LHFPL3: variants seen among roughly 807,000 people sequenced by gnomAD.
LHFPL3 encodes LHFPL tetraspan subfamily member 3 protein.
In LHFPL3, 5 loss-of-function variants were observed where a neutral mutation model predicts 19.3. The observed-to-expected ratio is 0.26, with a 90% CI of 0.14 to 0.54. The LOEUF is 0.54. Among genes scored for constraint, LHFPL3 ranks in the 20% least tolerant of loss-of-function variants. The pLI, the probability that LHFPL3 is intolerant of heterozygous loss-of-function variation, is 0.94. For missense variants in LHFPL3, 249 were observed against 307.4 expected (o/e 0.81, Z 1.42); for synonymous variants, 133 against 126.2 (o/e 1.05, Z -0.36).
intron 1 of LHFPL3, among the ~76,000 whole-genome samples, chr7:104,471,435 A>AT (rs1480615401): frequency 1.3e-5 from 2 of 152,320 alleles, no homozygotes; most frequent in East Asian, 3.9e-4. Flanking sequence ...TCTCATATAC[A>AT]TTATTTTAAG....
chr7:104,668,617 G>A, intron 1 of LHFPL3: 4 of 1,612,546 alleles, frequency 2.5e-6, no homozygotes, highest in Non-Finnish European at 3.4e-6. Context: ...TACAGAGAAG[G>A]CAGGGACTGC....
intron 1 of LHFPL3, among the ~76,000 whole-genome samples, chr7:104,605,791 A>G (rs1791085131): frequency 2.0e-5 from 3 of 152,168 alleles, no homozygotes; most frequent in Non-Finnish European, 4.4e-5. Flanking sequence ...AACTGCAGGA[A>G]AAAAACATCA....
At chr7:104,374,260 T>A (rs960928541) in intron 1 of LHFPL3, among the ~76,000 whole-genome samples, 7 of 151,662 alleles carry the variant, frequency 4.6e-5, no homozygotes, top group African/African-American at 1.7e-4. Flanking sequence ...ATATTTTTTT[T>A]AAGACAGAAT....
chr7:104,381,064 G>A (rs1045875318), intron 1 of LHFPL3, among the ~76,000 whole-genome samples: 9 of 152,024 alleles, frequency 5.9e-5, no homozygotes, highest in Non-Finnish European at 8.8e-5. Flanking sequence ...AATCTATGTC[G>A]CAAAAGACAG....
chr7:104,641,157 T>A (rs767245269), intron 1 of LHFPL3, among the ~76,000 whole-genome samples: 5 of 152,212 alleles, frequency 3.3e-5, no homozygotes, highest in Admixed American at 1.3e-4. Flanking sequence ...ATATCTTCTT[T>A]CCAAGTGGGA....
chr7:104,830,203 T>C (rs1044496085), intron 2 of LHFPL3, among the ~76,000 whole-genome samples: 3 of 151,972 alleles, frequency 2.0e-5, no homozygotes, highest in Non-Finnish European at 4.4e-5. Flanking sequence ...GTAAATTTGT[T>C]TGAGTTCATT....
intron 1 of LHFPL3, among the ~76,000 whole-genome samples, chr7:104,702,467 G>C (rs1033537687): frequency 6.6e-6 from 1 of 152,064 alleles, no homozygotes; most frequent in Non-Finnish European, 1.5e-5. Context: ...AGCTCATGGT[G>C]AACCCTGCAT....
At chr7:104,734,534 G>A (rs1009391610) in intron 1 of LHFPL3, among the ~76,000 whole-genome samples, 4 of 152,128 alleles carry the variant, frequency 2.6e-5, no homozygotes, top group Middle Eastern at 3.4e-3. Flanking sequence ...TTGTGCATTC[G>A]TCACATAGTT....
intron 1 of LHFPL3, among the ~76,000 whole-genome samples, chr7:104,427,212 C>T (rs1791864924): frequency 6.6e-6 from 1 of 152,116 alleles, no homozygotes; most frequent in African/African-American, 2.4e-5. Flanking sequence ...CATGTGATGT[C>T]CTTGAATAGC....
chr7:104,669,952 A>G (rs1792439856), intron 1 of LHFPL3, among the ~76,000 whole-genome samples: 1 of 152,160 alleles, frequency 6.6e-6, no homozygotes, highest in African/African-American at 2.4e-5. Context: ...TAGAAGGAAA[A>G]GTGTGAGATT....
intron 1 of LHFPL3, among the ~76,000 whole-genome samples, chr7:104,592,332 T>C (rs1790741747): frequency 6.6e-6 from 1 of 152,082 alleles, no homozygotes; most frequent in South Asian, 2.1e-4. Context: ...TTCTTAATTT[T>C]CCTTCTAACA....
intron 2 of LHFPL3, among the ~76,000 whole-genome samples, chr7:104,738,405 C>G (rs1442597630): frequency 6.6e-6 from 1 of 152,132 alleles, no homozygotes; most frequent in African/African-American, 2.4e-5. Flanking sequence ...AATATTAGAA[C>G]AAGCTATCTT....
chr7:104,616,554 A>G (rs890417316), intron 1 of LHFPL3, among the ~76,000 whole-genome samples: 4 of 152,272 alleles, frequency 2.6e-5, no homozygotes, highest in Middle Eastern at 3.4e-3. Context: ...AACCTAGGCA[A>G]TACCATTCAG....
intron 2 of LHFPL3, among the ~76,000 whole-genome samples, chr7:104,851,607 C>T (rs1448301636): frequency 2.0e-5 from 3 of 152,100 alleles, no homozygotes; most frequent in African/African-American, 4.8e-5. Context: ...ATATAAAGTC[C>T]CAACTCTCCT....
intron 1 of LHFPL3, among the ~76,000 whole-genome samples, chr7:104,731,327 T>G (rs971415618): frequency 1.8e-4 from 28 of 152,116 alleles, no homozygotes; most frequent in African/African-American, 6.5e-4. Flanking sequence ...TATGGCATTT[T>G]CATGATATTG....
chr7:104,655,656 G>C (rs528521511), intron 1 of LHFPL3, among the ~76,000 whole-genome samples: 4 of 152,330 alleles, frequency 2.6e-5, no homozygotes, highest in South Asian at 2.1e-4. Context: ...AAATAGAGCT[G>C]ATACAGGCTA....
intron 1 of LHFPL3, among the ~76,000 whole-genome samples, chr7:104,530,823 C>T (rs892724011): frequency 3.3e-5 from 5 of 152,142 alleles, no homozygotes; most frequent in African/African-American, 4.8e-5. Flanking sequence ...TTCTTTTAAT[C>T]CTTCACCATG....
At chr7:104,452,035 C>T (rs147786387) in intron 1 of LHFPL3, among the ~76,000 whole-genome samples, 254 of 151,866 alleles carry the variant, frequency 1.7e-3, no homozygotes, top group African/African-American at 3.8e-3. Context: ...GGTGGGCCAC[C>T]GCACCCAGCC....
At chr7:104,490,607 T>C (rs1423835407) in intron 1 of LHFPL3, among the ~76,000 whole-genome samples, 4 of 152,090 alleles carry the variant, frequency 2.6e-5, no homozygotes, top group South Asian at 2.1e-4. Context: ...CCACTCTCCA[T>C]TGGGTATACA....
Sources: allele counts gnomAD v4.1 joint callset (sites outside exome capture counted in the v4.1 genomes callset), GRCh38; gene constraint gnomAD v4.1.1; transcripts MANE v1.5; gene names NCBI Gene and HGNC (gene_info 2026-07-23, HGNC 2026-07-21).